The following MTHFD2L variants were observed in gnomAD, a reference collection of about 807,000 sequenced individuals.
MTHFD2L encodes the protein methylenetetrahydrofolate dehydrogenase (NADP+ dependent) 2 like, also known as bifunctional methylenetetrahydrofolate dehydrogenase/cyclohydrolase 2, mitochondrial.
In MTHFD2L, 29 loss-of-function variants were observed where a neutral mutation model predicts 34.9. That is an observed-to-expected ratio of 0.83 (90% CI 0.62 to 1.13). MTHFD2L has a LOEUF of 1.13. Among genes scored for constraint, MTHFD2L ranks in the 50% most tolerant of loss-of-function variants. MTHFD2L has a pLI of 0.00. For missense variants in MTHFD2L, 481 were observed against 446.5 expected, an observed-to-expected ratio of 1.08 and a Z score of -0.70; for synonymous variants, 167 against 155.7, an observed-to-expected ratio of 1.07 and a Z score of -0.54.
rs568280591 is a variant in MTHFD2L at position 74,140,469 on chromosome 4, T to A, written c.-297+14952T>A. On this transcript the variant is annotated intron_variant, in intron 1 of 7. Transcript: ENST00000433372. ...ACTTAATCCACACAAATACTCCTGT[T>A]TTTTTAGTATTTAAATTATTTTAAT... The A allele has an allele frequency of 1.1e-5, 7 of 642,228 alleles. No individual in the cohort carries two copies. In the East Asian group the frequency reaches 6.9e-4, roughly 63 times the overall value. 39.8% of individuals were successfully genotyped at this position (642,228 alleles called of 1,614,324 possible).
chr4:74,133,558 G>C (rs1339000744), intron 1 of MTHFD2L, among the ~76,000 whole-genome samples: 3 of 151,552 alleles, frequency 2.0e-5, no homozygotes, highest in Admixed American at 6.6e-5. Flanking sequence ...GCCAGTCTTT[G>C]AGCTCACTGA....
At chr4:74,171,168 A>G (rs1394027556) in intron 1 of MTHFD2L, among the ~76,000 whole-genome samples, 4 of 152,216 alleles carry the variant, frequency 2.6e-5, no homozygotes, top group African/African-American at 9.6e-5. Context: ...GAAACAACCT[A>G]CTAAACAATG....
intron 1 of MTHFD2L, among the ~76,000 whole-genome samples, chr4:74,170,104 G>A (rs1395402960): frequency 2.6e-5 from 4 of 152,140 alleles, no homozygotes; most frequent in Non-Finnish European, 5.9e-5. Flanking sequence ...AATTTGAAGA[G>A]GATAGAATTC....
chr4:74,155,839 C>T (rs935790980), upstream of MTHFD2L, among the ~76,000 whole-genome samples: 2 of 150,018 alleles, frequency 1.3e-5, no homozygotes. Context: ...GTACATATTT[C>T]TTTTTGAAAT....
chr4:74,241,600 A>C, intron 6 of MTHFD2L: 1 of 443,950 alleles, frequency 2.3e-6, no homozygotes, highest in Non-Finnish European at 4.5e-6. Flanking sequence ...GACCTCTCCA[A>C]CTCCTGAACT....
At chr4:74,169,969 G>A (rs1315897900) in intron 1 of MTHFD2L, among the ~76,000 whole-genome samples, 1 of 152,098 alleles carries the variant, frequency 6.6e-6, no homozygotes, top group East Asian at 1.9e-4. Context: ...CTATATTAAG[G>A]AATTTAAGTT....
intron 1 of MTHFD2L, among the ~76,000 whole-genome samples, chr4:74,145,651 G>T (rs1723551250): frequency 6.6e-6 from 1 of 152,048 alleles, no homozygotes; most frequent in Non-Finnish European, 1.5e-5. Flanking sequence ...TATGGTTTGG[G>T]TTTCTGTCCC....
intron 7 of MTHFD2L, among the ~76,000 whole-genome samples, chr4:74,291,429 A>G (rs1252166996): frequency 6.6e-6 from 1 of 152,138 alleles, no homozygotes; most frequent in Non-Finnish European, 1.5e-5. Flanking sequence ...CTTACATTAC[A>G]GAAATACTCC....
At chr4:74,144,289 C>T (rs750478052) in intron 1 of MTHFD2L, among the ~76,000 whole-genome samples, 1 of 152,006 alleles carries the variant, frequency 6.6e-6, no homozygotes, top group Non-Finnish European at 1.5e-5. Flanking sequence ...CCTGTCTCTA[C>T]TAAAAATGCA....
At chr4:74,139,827 T>G (rs1193918966) in intron 1 of MTHFD2L, among the ~76,000 whole-genome samples, 1 of 152,230 alleles carries the variant, frequency 6.6e-6, no homozygotes, top group Non-Finnish European at 1.5e-5. Flanking sequence ...TTTCATGTCT[T>G]TTTCATTTCC....
intron 6 of MTHFD2L, among the ~76,000 whole-genome samples, chr4:74,251,768 G>T (rs547207614): frequency 6.6e-6 from 1 of 152,196 alleles, no homozygotes; most frequent in South Asian, 2.1e-4. Context: ...ACTCTCTTTT[G>T]TGACAATGAG....
At chr4:74,242,693 T>C (rs1339355797) in intron 6 of MTHFD2L, among the ~76,000 whole-genome samples, 2 of 152,174 alleles carry the variant, frequency 1.3e-5, no homozygotes, top group Non-Finnish European at 2.9e-5. Flanking sequence ...GGGATGTGCT[T>C]TTAATTTTCC....
chr4:74,267,186 A>G (rs1745387435), intron 6 of MTHFD2L: 1 of 985,314 alleles, frequency 1.0e-6, no homozygotes, highest in Non-Finnish European at 1.2e-6. Context: ...AGTTGGTAAT[A>G]TAGACCCTTG....
chr4:74,264,170 C>T (rs1290130327), intron 6 of MTHFD2L, among the ~76,000 whole-genome samples: 1 of 151,988 alleles, frequency 6.6e-6, no homozygotes, highest in Non-Finnish European at 1.5e-5. Context: ...CTTCCCACCA[C>T]ATCTATCAGC....
intron 5 of MTHFD2L, among the ~76,000 whole-genome samples, chr4:74,207,998 C>T (rs969989527): frequency 5.9e-5 from 9 of 151,914 alleles, no homozygotes; most frequent in Admixed American, 2.0e-4. Flanking sequence ...GACTGACACT[C>T]TTAGTCTTAT....
At chr4:74,221,770 C>T (rs1738233712) in intron 5 of MTHFD2L, among the ~76,000 whole-genome samples, 1 of 149,452 alleles carries the variant, frequency 6.7e-6, no homozygotes, top group Non-Finnish European at 1.5e-5. Context: ...GTAAAACTAT[C>T]ATATTATTTT....
rs1213762569 is a variant in MTHFD2L at position 74,301,912 on chromosome 4, A to G, written c.*103A>G. The G allele has an allele frequency of 3.7e-6, 2 of 543,778 alleles. No homozygotes were observed. Among genetic ancestry groups the G allele is most frequent in the African/African-American group, 3.9e-5 (2 of 50,778 alleles). 33.7% of individuals were successfully genotyped at this position (543,778 alleles called of 1,614,324 possible). A position where few individuals can be genotyped will look rare whatever the true frequency, so the allele number is the denominator to read the frequency against. On this transcript the variant is annotated 3_prime_UTR_variant, in exon 8 of 8. Transcript: ENST00000325278. ...ACAAAGCTATTTATTTCTACATGGTATTTATTTTTTCATGGGTGAAATCAT... is the reference window on the plus strand; with the variant it reads ...ACAAAGCTATTTATTTCTACATGGTGTTTATTTTTTCATGGGTGAAATCAT...
chr4:74,196,396 A>C (rs1199273592), intron 3 of MTHFD2L, among the ~76,000 whole-genome samples: 1 of 152,160 alleles, frequency 6.6e-6, no homozygotes, highest in African/African-American at 2.4e-5. Flanking sequence ...AGTGGAGGGC[A>C]TGTGATGATG....
At chr4:74,251,947 G>A (rs181481605) in intron 6 of MTHFD2L, among the ~76,000 whole-genome samples, 2 of 152,316 alleles carry the variant, frequency 1.3e-5, no homozygotes, top group African/African-American at 4.8e-5. Context: ...AAATGAGTTC[G>A]GAACACCCTG....
Sources: allele counts gnomAD v4.1 joint callset (sites outside exome capture counted in the v4.1 genomes callset), GRCh38; gene constraint gnomAD v4.1.1; transcripts MANE v1.5; gene names NCBI Gene and HGNC (gene_info 2026-07-23, HGNC 2026-07-21).